LPP: variants seen among roughly 807,000 people sequenced by gnomAD.
LPP encodes the protein lipoma-preferred partner.
LPP carries 38 observed loss-of-function variants against 60.4 expected under a neutral mutation model. The ratio of observed to expected loss-of-function variants is 0.63; its 90% CI spans 0.49 to 0.83. The LOEUF (loss-of-function observed/expected upper bound fraction) is 0.83, where lower values mean the gene tolerates loss of function less well. Among genes scored for constraint, LPP ranks in the 40% least tolerant of loss-of-function variants. The pLI, the probability that LPP is intolerant of heterozygous loss-of-function variation, is 0.00. For synonymous variants in LPP, 328 were observed against 290.8 expected (o/e 1.13, Z -1.30); for missense variants, 902 against 783.6 (o/e 1.15, Z -1.80).
At chr3:188,684,243 C>T (rs1860167786) in intron 7 of LPP, among the ~76,000 whole-genome samples, 1 of 152,218 alleles carries the variant, frequency 6.6e-6, no homozygotes, top group Admixed American at 6.5e-5. Flanking sequence ...ATCACGGACA[C>T]ATCAAGTTCC....
At chr3:188,778,680 A>C (rs1738596475) in intron 9 of LPP, among the ~76,000 whole-genome samples, 1 of 152,124 alleles carries the variant, frequency 6.6e-6, no homozygotes, top group Non-Finnish European at 1.5e-5. Flanking sequence ...TTGTTAGGTA[A>C]ATGAGAAAAT....
chr3:188,412,915 T>C (rs971068193), intron 4 of LPP, among the ~76,000 whole-genome samples: 1 of 152,180 alleles, frequency 6.6e-6, no homozygotes, highest in African/African-American at 2.4e-5. Flanking sequence ...TGATTGCTAA[T>C]CTACCCATGA....
chr3:188,338,181 G>A (rs1453922337), intron 2 of LPP, among the ~76,000 whole-genome samples: 1 of 152,220 alleles, frequency 6.6e-6, no homozygotes, highest in Non-Finnish European at 1.5e-5. Context: ...AGAGAGGGAA[G>A]CAATTAAATC....
At chr3:188,440,304 C>T (rs1454506083) in intron 4 of LPP, among the ~76,000 whole-genome samples, 1 of 152,154 alleles carries the variant, frequency 6.6e-6, no homozygotes, top group East Asian at 1.9e-4. Flanking sequence ...AGAATAATAA[C>T]CATTTCTACT....
intron 8 of LPP, chr3:188,710,482 A>G (rs928152584): frequency 6.6e-6 from 1 of 152,214 alleles, no homozygotes; most frequent in Non-Finnish European, 1.5e-5. Context: ...AAAGTATAAC[A>G]ATAAAGCTAA....
rs1311018496 is a variant in LPP, at chr3:188,613,306, A to ATATC, written c.1113+3466_1113+3469dup. 1.0e-4 allele frequency among the ~76,000 whole-genome samples: 15 copies of ATATC among 147,746 alleles called. No homozygotes were observed. The South Asian group carries it at 2.3e-3, about 23-fold the overall frequency. ...TATATCTATATCTATATCTATATCT[A>ATATC]TATCTATATATATCGCTGTGAGTTG... On this transcript the variant is annotated intron_variant, in intron 7 of 11. Transcript: ENST00000617246.
chr3:188,386,667 C>T (rs1462179734), intron 3 of LPP, among the ~76,000 whole-genome samples: 1 of 152,164 alleles, frequency 6.6e-6, no homozygotes, highest in Non-Finnish European at 1.5e-5. Context: ...CTAAAGTAAA[C>T]ATCCAAAGCC....
chr3:188,686,881 A>G (rs56349152), intron 7 of LPP, among the ~76,000 whole-genome samples: 25,830 of 152,124 alleles, frequency 0.17, 2,299 homozygotes, highest in African/African-American at 0.21. Context: ...CAAGGAGTGA[A>G]GACCTTGATA....
In LPP at chr3:188,606,988, A is replaced by G. The variant is rs184255291; in HGVS notation, c.430-2173A>G. On this transcript the variant is annotated intron_variant, in intron 6 of 11. Coordinates refer to ENST00000617246, the MANE Select transcript of LPP (RefSeq NM_001375462.1). ...GCTGTAAAGTCTGCCCCAAGAAAGC[A>G]GTTCAAAATTTGCATAGTTTGAAAT... is the stretch of plus-strand genomic sequence containing the variant. 2.0e-3 allele frequency among the ~76,000 whole-genome samples: 306 copies of G among 152,258 alleles called. 1 individual carries two copies. The highest frequency in any genetic ancestry group is 7.1e-3 in the African/African-American group (296 of 41,544).
chr3:188,814,002 A>T (rs1751795177), intron 9 of LPP, among the ~76,000 whole-genome samples: 1 of 151,952 alleles, frequency 6.6e-6, no homozygotes, highest in African/African-American at 2.4e-5. Flanking sequence ...AACCGGGGAG[A>T]CAGAGGTTGC....
At chr3:188,218,719 A>C (rs1202178588) in intron 1 of LPP, among the ~76,000 whole-genome samples, 3 of 152,276 alleles carry the variant, frequency 2.0e-5, no homozygotes, top group Non-Finnish European at 4.4e-5. Flanking sequence ...ATTCAAAGAT[A>C]ATTTGGAGGC....
rs554313734 is a variant in LPP at position 188,524,886 on chromosome 3, T to G, written c.429+99T>G. The G allele has an allele frequency of 5.5e-4, 58 of 106,402 alleles. 2 individuals carry two copies. In the African/African-American group the frequency reaches 5.5e-3, roughly 10 times the overall value. The allele number at this position is 106,402 out of a possible 1,614,324, so 6.6% of individuals were successfully genotyped here. A position where few individuals can be genotyped will look rare whatever the true frequency, so the allele number is the denominator to read the frequency against. On this transcript the variant is annotated intron_variant, in intron 6 of 11. Coordinates refer to ENST00000617246, the MANE Select transcript of LPP (RefSeq NM_001375462.1). ...ACCTGAGAGCTTATTTCCCCTTCCT[T>G]CCTTCCGTCCGTCCTTCCTTCCTTC... is the stretch of plus-strand genomic sequence containing the variant.
Position 188,203,474 on chromosome 3 carries a change from AAT to A in LPP, c.-189-21920_-189-21919del, listed in dbSNP as rs1246116448. Among the ~76,000 whole-genome samples the A allele has an allele frequency of 7.6e-4, 66 of 87,308 alleles. 2 individuals are homozygous for A. The highest frequency in any genetic ancestry group is 8.5e-3 in the Middle Eastern group (1 of 118). The allele number at this position is 87,308 out of a possible 152,430, so 57.3% of individuals were successfully genotyped here. Reference sequence around the variant, plus strand: ...ATATATATAAATATATATATTTTTAAATATATATATATTTTTAAATATATATA... The same window carrying A: ...ATATATATAAATATATATATTTTTAAATATATATATTTTTAAATATATATA... On this transcript the variant is annotated intron_variant, in intron 1 of 11. Transcript: ENST00000617246.
chr3:188,259,277 G>T (rs1732752930), intron 2 of LPP, among the ~76,000 whole-genome samples: 1 of 152,100 alleles, frequency 6.6e-6, no homozygotes, highest in African/African-American at 2.4e-5. Context: ...TTGCTTCTGT[G>T]GAAATACACC....
chr3:188,660,022 G>T (rs1854215291), intron 7 of LPP, among the ~76,000 whole-genome samples: 1 of 152,028 alleles, frequency 6.6e-6, no homozygotes, highest in Non-Finnish European at 1.5e-5. Flanking sequence ...AAGCACGAGA[G>T]AATAAAATGA....
chr3:188,786,880 A>G (rs1454083640), intron 9 of LPP, among the ~76,000 whole-genome samples: 2 of 152,174 alleles, frequency 1.3e-5, no homozygotes, highest in African/African-American at 4.8e-5. Context: ...AAATAACACT[A>G]TATAAATGGA....
intron 3 of LPP, among the ~76,000 whole-genome samples, chr3:188,350,040 G>C (rs541823531): frequency 1.0e-3 from 152 of 152,276 alleles, no homozygotes; most frequent in Admixed American, 1.6e-3. Flanking sequence ...GCTTGCTCTG[G>C]GGATTGCACA....
intron 5 of LPP, among the ~76,000 whole-genome samples, chr3:188,495,134 TA>T: frequency 1.5e-5 from 2 of 134,214 alleles, no homozygotes; most frequent in African/African-American, 5.4e-5. Flanking sequence ...TATATTTTAT[TA>T]TATATTTATA....
chr3:188,628,345 G>A (rs867933660), intron 7 of LPP, among the ~76,000 whole-genome samples: 2 of 151,586 alleles, frequency 1.3e-5, no homozygotes, highest in Non-Finnish European at 2.9e-5. Context: ...AAGATTGTCA[G>A]ACTACTAGCT....
Sources: gnomAD v4.1 joint callset for allele counts (sites outside exome capture counted in the v4.1 genomes callset) on GRCh38, gnomAD v4.1.1 for gene constraint, MANE v1.5 for transcripts, NCBI Gene and HGNC (gene_info 2026-07-23, HGNC 2026-07-21) for gene names.